The following GRID2 variants were observed in gnomAD, a reference collection of about 807,000 sequenced individuals.
GRID2 encodes glutamate receptor ionotropic, delta-2.
GRID2 carries 33 observed loss-of-function variants against 114.8 expected under a neutral mutation model. The observed-to-expected ratio is 0.29, with a 90% confidence interval of 0.22 to 0.38. The LOEUF (loss-of-function observed/expected upper bound fraction) is 0.38, where lower values mean the gene tolerates loss of function less well. GRID2 is among the 10% of genes least tolerant of loss of function. The pLI is 1.00. For missense variants in GRID2, 1,184 were observed against 1,257.7 expected (o/e 0.94, Z 0.89); for synonymous variants, 505 against 449.9 (o/e 1.12, Z -1.55).
At chr4:93,234,907 G>A (rs1746591352) in intron 7 of GRID2, among the ~76,000 whole-genome samples, 1 of 152,108 alleles carries the variant, frequency 6.6e-6, no homozygotes, top group South Asian at 2.1e-4. Flanking sequence ...CTAGAAATAT[G>A]TATAAGGAAA....
At chr4:92,910,236 C>G (rs139666262) in intron 2 of GRID2, among the ~76,000 whole-genome samples, 2 of 152,044 alleles carry the variant, frequency 1.3e-5, no homozygotes, top group Non-Finnish European at 2.9e-5. Flanking sequence ...AGTAAATGCT[C>G]AGGACTTAAT....
At chr4:92,449,334 A>G (rs1385441444) in intron 1 of GRID2, among the ~76,000 whole-genome samples, 1 of 152,080 alleles carries the variant, frequency 6.6e-6, no homozygotes, top group Non-Finnish European at 1.5e-5. Context: ...ACACAGCCTT[A>G]CTTTTTCCTT....
intron 14 of GRID2, among the ~76,000 whole-genome samples, chr4:93,759,273 A>C (rs1161091454): frequency 6.6e-6 from 1 of 152,158 alleles, no homozygotes; most frequent in East Asian, 1.9e-4. Context: ...AGGCAGTGCA[A>C]GACTTATGGT....
At chr4:93,399,543 A>G (rs1306508599) in intron 9 of GRID2, among the ~76,000 whole-genome samples, 1 of 152,128 alleles carries the variant, frequency 6.6e-6, no homozygotes, top group Non-Finnish European at 1.5e-5. Flanking sequence ...GGAGTGTTGA[A>G]TCACCAGAAC....
intron 2 of GRID2, among the ~76,000 whole-genome samples, chr4:92,979,938 C>T (rs968476663): frequency 3.3e-5 from 5 of 152,166 alleles, no homozygotes; most frequent in Non-Finnish European, 7.4e-5. Context: ...CAGACAACAT[C>T]TCATTTTTGC....
intron 2 of GRID2, among the ~76,000 whole-genome samples, chr4:92,966,787 T>C (rs1466785091): frequency 2.6e-5 from 4 of 151,992 alleles, no homozygotes; most frequent in Admixed American, 2.0e-4. Flanking sequence ...GTCTCGGGTA[T>C]GTCCTTATTA....
At chr4:93,007,349 A>G (rs1721647202) in intron 2 of GRID2, among the ~76,000 whole-genome samples, 1 of 152,128 alleles carries the variant, frequency 6.6e-6, no homozygotes, top group African/African-American at 2.4e-5. Context: ...TATTTTAAAA[A>G]AAAACCTCTG....
intron 4 of GRID2, among the ~76,000 whole-genome samples, chr4:93,187,028 G>A (rs113036440): frequency 0.014 from 2,098 of 152,208 alleles, 55 homozygotes; most frequent in African/African-American, 0.049. Flanking sequence ...AAGGGCAAAA[G>A]GTGATAATCA....
At chr4:93,678,328 A>G (rs1725128570) in intron 14 of GRID2, among the ~76,000 whole-genome samples, 1 of 152,228 alleles carries the variant, frequency 6.6e-6, no homozygotes, top group Non-Finnish European at 1.5e-5. Flanking sequence ...GACTGGGAGA[A>G]TGGAACCAAG....
At chr4:92,848,877 G>A (rs1412327162) in intron 2 of GRID2, among the ~76,000 whole-genome samples, 1 of 151,902 alleles carries the variant, frequency 6.6e-6, no homozygotes, top group Non-Finnish European at 1.5e-5. Context: ...GGAAGTCCAT[G>A]TGAGGACACT....
intron 14 of GRID2, among the ~76,000 whole-genome samples, chr4:93,727,158 C>T (rs898300104): frequency 5.3e-5 from 8 of 152,094 alleles, no homozygotes; most frequent in Non-Finnish European, 8.8e-5. Flanking sequence ...GAGATACGTC[C>T]CATCAATACC....
At chr4:92,571,255 A>G (rs1390986059) in intron 1 of GRID2, among the ~76,000 whole-genome samples, 2 of 151,804 alleles carry the variant, frequency 1.3e-5, no homozygotes, top group Non-Finnish European at 2.9e-5. Flanking sequence ...ACATGTATTG[A>G]TTTGCCAACA....
intron 8 of GRID2, among the ~76,000 whole-genome samples, chr4:93,364,805 G>A (rs548478733): frequency 1.3e-5 from 2 of 152,022 alleles, no homozygotes; most frequent in Non-Finnish European, 2.9e-5. Context: ...TAAGGCCTTA[G>A]ATTGCATTCC....
chr4:92,980,925 G>T (rs1754172593), intron 2 of GRID2, among the ~76,000 whole-genome samples: 1 of 152,006 alleles, frequency 6.6e-6, no homozygotes. Flanking sequence ...TTCCCACATT[G>T]TTTCACTTAC....
At chr4:93,107,794 C>T (rs952944992) in intron 3 of GRID2, among the ~76,000 whole-genome samples, 6 of 152,036 alleles carry the variant, frequency 3.9e-5, no homozygotes, top group Non-Finnish European at 8.8e-5. Context: ...ACGCCCAGCC[C>T]CAATTTAAAA....
intron 13 of GRID2, among the ~76,000 whole-genome samples, chr4:93,537,976 T>A (rs1162021410): frequency 3.3e-5 from 5 of 151,800 alleles, no homozygotes; most frequent in Non-Finnish European, 5.9e-5. Context: ...AGGTTTTCTA[T>A]CCTGAAATAT....
chr4:92,735,320 T>C (rs1355460860), intron 2 of GRID2, among the ~76,000 whole-genome samples: 4 of 152,106 alleles, frequency 2.6e-5, no homozygotes, highest in Non-Finnish European at 5.9e-5. Context: ...AAGCCTAAGA[T>C]AAAGTTTAAT....
At chr4:93,168,695 C>T (rs1422852933) in intron 4 of GRID2, among the ~76,000 whole-genome samples, 3 of 151,954 alleles carry the variant, frequency 2.0e-5, no homozygotes, top group Non-Finnish European at 4.4e-5. Flanking sequence ...TAAGATCTTA[C>T]AGAAAAAGAG....
At chr4:92,712,983 CTT>C (rs148329874) in intron 2 of GRID2, among the ~76,000 whole-genome samples, 1 of 150,690 alleles carries the variant, frequency 6.6e-6, no homozygotes, top group East Asian at 1.9e-4. Context: ...TTTGACTTGA[CTT>C]TTTCTTTTTT....
Sources: gnomAD v4.1 joint callset for allele counts (sites outside exome capture counted in the v4.1 genomes callset) on GRCh38, gnomAD v4.1.1 for gene constraint, MANE v1.5 for transcripts, NCBI Gene and HGNC (gene_info 2026-07-23, HGNC 2026-07-21) for gene names.